The following CNTNAP2 variants were observed in gnomAD, a reference collection of about 807,000 sequenced individuals.
CNTNAP2 encodes contactin associated protein 2.
In CNTNAP2, 98 loss-of-function variants were observed where a neutral mutation model predicts 155.2. The observed-to-expected ratio is 0.63, with a 90% CI of 0.54 to 0.75. CNTNAP2 has a LOEUF of 0.75. CNTNAP2 is among the 30% of genes least tolerant of loss of function. The pLI is 0.00. For synonymous variants in CNTNAP2, 651 were observed against 631.2 expected, an observed-to-expected ratio of 1.03 and a Z score of -0.47; for missense variants, 1,727 against 1,688.1, an observed-to-expected ratio of 1.02 and a Z score of -0.40.
At chr7:147,213,684 G>A (rs975657490) in intron 8 of CNTNAP2, among the ~76,000 whole-genome samples, 1 of 152,082 alleles carries the variant, frequency 6.6e-6, no homozygotes, top group Non-Finnish European at 1.5e-5. Context: ...AGCTCACATG[G>A]TTATGGAGGC....
At chr7:147,285,204 G>A (rs147017851) in intron 8 of CNTNAP2, among the ~76,000 whole-genome samples, 1 of 151,958 alleles carries the variant, frequency 6.6e-6, no homozygotes, top group Non-Finnish European at 1.5e-5. Flanking sequence ...ATTTTAAGAT[G>A]TCTTTTCCTT....
At chr7:148,120,499 T>C (rs1804575120) in intron 16 of CNTNAP2, among the ~76,000 whole-genome samples, 1 of 152,050 alleles carries the variant, frequency 6.6e-6, no homozygotes, top group Non-Finnish European at 1.5e-5. Flanking sequence ...ACCCCTGGGC[T>C]CAGGCAGTGT....
intron 1 of CNTNAP2, among the ~76,000 whole-genome samples, chr7:146,743,728 G>A (rs768739474): frequency 1.3e-5 from 2 of 152,048 alleles, no homozygotes; most frequent in Non-Finnish European, 2.9e-5. Context: ...CAGTAGACCT[G>A]ACAATTTCAA....
chr7:148,018,017 C>T (rs902252321), intron 15 of CNTNAP2, among the ~76,000 whole-genome samples: 1 of 152,196 alleles, frequency 6.6e-6, no homozygotes, highest in African/African-American at 2.4e-5. Flanking sequence ...AAACTCGCCA[C>T]AAAGGCAGAA....
intron 16 of CNTNAP2, among the ~76,000 whole-genome samples, chr7:148,138,276 A>G (rs1481470482): frequency 6.6e-6 from 1 of 152,206 alleles, no homozygotes; most frequent in Non-Finnish European, 1.5e-5. Flanking sequence ...TTTAGAAGGC[A>G]CAATTAATTG....
At chr7:146,270,916 A>G (rs1800071624) in intron 1 of CNTNAP2, among the ~76,000 whole-genome samples, 1 of 152,196 alleles carries the variant, frequency 6.6e-6, no homozygotes, top group African/African-American at 2.4e-5. Context: ...CCTAATATGT[A>G]CAAGACCCCA....
chr7:147,404,683 A>G (rs976387316), intron 10 of CNTNAP2, among the ~76,000 whole-genome samples: 9 of 152,062 alleles, frequency 5.9e-5, no homozygotes, highest in Non-Finnish European at 1.0e-4. Context: ...CTTTCATTTG[A>G]TCTTTAGCTT....
At position 148,050,617 on chromosome 7, in the gene CNTNAP2, T is replaced by C. The variant is rs139604329; in HGVS notation, c.2384-67501T>C. Among the ~76,000 whole-genome samples, 212 of 152,236 alleles carry C rather than the reference T, an allele frequency of 1.4e-3. 1 individual carries two copies. The highest frequency in any genetic ancestry group is 3.4e-3 in the Middle Eastern group (1 of 294). ...TTTTACAAATTTAGTGAAGCCTAAG[T>C]ATACAGTATTTTTTAAGTCAACATT... On this transcript the variant is annotated intron_variant, in intron 15 of 23. Coordinates refer to ENST00000361727, the MANE Select transcript of CNTNAP2 (RefSeq NM_014141.6).
Position 147,893,733 on chromosome 7 carries a change from G to A in CNTNAP2, c.2099-9832G>A, listed in dbSNP as rs988527601. ...AAAAATCAGAAGTTATTACTCCACGGCTTCACCTCCCCCACTTCATCCTCC... is the reference window on the plus strand; with the variant it reads ...AAAAATCAGAAGTTATTACTCCACGACTTCACCTCCCCCACTTCATCCTCC... On this transcript the variant is annotated intron_variant, in intron 13 of 23. Coordinates refer to ENST00000361727, the MANE Select transcript of CNTNAP2 (RefSeq NM_014141.6). Among the ~76,000 whole-genome samples the A allele has an allele frequency of 3.9e-5, 6 of 152,108 alleles. No individual in the cohort carries two copies. The South Asian group carries it at 1.0e-3, about 26-fold the overall frequency.
At chr7:147,152,098 C>T (rs754259207) in intron 8 of CNTNAP2, among the ~76,000 whole-genome samples, 27 of 152,096 alleles carry the variant, frequency 1.8e-4, no homozygotes, top group Non-Finnish European at 1.8e-4. Flanking sequence ...GCAATGCTGA[C>T]ATAGCCAATA....
intron 1 of CNTNAP2, among the ~76,000 whole-genome samples, chr7:146,134,667 A>G (rs1301346082): frequency 4.0e-4 from 60 of 150,240 alleles, no homozygotes; most frequent in African/African-American, 1.4e-3. Flanking sequence ...TATTGAGATA[A>G]TCATGTGGTT....
At chr7:146,928,441 A>G (rs1026357300) in intron 3 of CNTNAP2, among the ~76,000 whole-genome samples, 2 of 152,132 alleles carry the variant, frequency 1.3e-5, no homozygotes, top group African/African-American at 4.8e-5. Context: ...AATTTGTTCA[A>G]TTCGGGACTC....
At chr7:147,086,701 C>T (rs60131236) in intron 4 of CNTNAP2, among the ~76,000 whole-genome samples, 11,169 of 152,076 alleles carry the variant, frequency 0.073, 1,076 homozygotes, top group African/African-American at 0.22. Flanking sequence ...CCTCCCAAAT[C>T]GCTGGAATTA....
At chr7:146,201,682 GA>G (rs1584799904) in intron 1 of CNTNAP2, among the ~76,000 whole-genome samples, 2 of 149,126 alleles carry the variant, frequency 1.3e-5, no homozygotes, top group African/African-American at 2.5e-5. Flanking sequence ...GTGTGAATCA[GA>G]AAAAAATATT....
intron 1 of CNTNAP2, among the ~76,000 whole-genome samples, chr7:146,341,654 A>C (rs1794731242): frequency 6.6e-6 from 1 of 152,166 alleles, no homozygotes. Flanking sequence ...CTGCTTTATA[A>C]TTAGGCAGAA....
chr7:148,161,335 G>A (rs987227385), intron 17 of CNTNAP2, among the ~76,000 whole-genome samples: 6 of 151,954 alleles, frequency 3.9e-5, no homozygotes, highest in East Asian at 1.9e-4. Flanking sequence ...CTGTCATTTC[G>A]CCTTCTGAGT....
intron 8 of CNTNAP2, among the ~76,000 whole-genome samples, chr7:147,217,124 A>G (rs888301318): frequency 1.3e-5 from 2 of 151,974 alleles, no homozygotes; most frequent in Non-Finnish European, 2.9e-5. Context: ...CATCAGAAAA[A>G]ACATGATTTC....
intron 8 of CNTNAP2, among the ~76,000 whole-genome samples, chr7:147,218,467 T>A (rs1016282959): frequency 6.6e-6 from 1 of 152,068 alleles, no homozygotes; most frequent in African/African-American, 2.4e-5. Context: ...AAAATATTTT[T>A]AAATTTCTCT....
intron 8 of CNTNAP2, among the ~76,000 whole-genome samples, chr7:147,179,834 G>A (rs1187706086): frequency 6.6e-6 from 1 of 152,182 alleles, no homozygotes; most frequent in Non-Finnish European, 1.5e-5. Context: ...ATAGTTATAT[G>A]GGTACTAGAG....
Sources: allele counts gnomAD v4.1 joint callset (sites outside exome capture counted in the v4.1 genomes callset), GRCh38; gene constraint gnomAD v4.1.1; transcripts MANE v1.5; gene names NCBI Gene and HGNC (gene_info 2026-07-23, HGNC 2026-07-21).